Variants in MIA2 observed in about 807,000 individuals in gnomAD.
MIA2 encodes the protein MIA SH3 domain ER export factor 2, also known as melanoma inhibitory activity protein 2.
Under a neutral mutation model 167.8 loss-of-function variants are expected in MIA2, and 127 were observed. The ratio of observed to expected loss-of-function variants is 0.76; its 90% confidence interval spans 0.66 to 0.88. MIA2 has a LOEUF of 0.88. MIA2 is among the 40% of genes least tolerant of loss of function. The probability of loss-of-function intolerance (pLI) is 0.00; values close to 1 mark genes in which losing one functional copy is unlikely to be tolerated. For synonymous variants in MIA2, 552 were observed against 541.9 expected (o/e 1.02, Z -0.26); for missense variants, 1,690 against 1,624.7 (o/e 1.04, Z -0.69).
Position 39,291,911 on chromosome 14 carries a change from C to T in MIA2, c.2208+815C>T, listed in dbSNP as rs906916008. On this transcript the variant is annotated intron_variant, in intron 10 of 28. Coordinates refer to ENST00000640607, the MANE Select transcript of MIA2 (RefSeq NM_001329214.4). ...GACAAAGGATAGCAGAGGACACCTGCGTCTGCAGATACTAAAACAGAAAAC... is the reference window on the plus strand; with the variant it reads ...GACAAAGGATAGCAGAGGACACCTGTGTCTGCAGATACTAAAACAGAAAAC... 1.8e-4 allele frequency among the ~76,000 whole-genome samples: 28 copies of T among 152,174 alleles called. 1 individual carries two copies. Among genetic ancestry groups the T allele is most frequent in the Admixed American group, 1.3e-4 (2 of 15,274 alleles).
Position 39,304,391 on chromosome 14 carries a change from T to TG in MIA2, c.2878+11dup. On this transcript the variant is annotated intron_variant, in intron 17 of 28. Coordinates refer to ENST00000640607, the MANE Select transcript of MIA2 (RefSeq NM_001329214.4). The stretch of plus-strand genomic sequence containing the variant: ...AAGGAAGAGCTTACAGGTAGGTCAT[T>TG]GACATACATACTTTTAATGTTTTTC... 7.0e-7 allele frequency: 1 copy of TG among 1,419,660 alleles called. No homozygotes were observed. Among genetic ancestry groups the TG allele is most frequent in the Non-Finnish European group, 9.7e-7 (1 of 1,033,582 alleles). The allele number at this position is 1,419,660 out of a possible 1,614,324, so 87.9% of individuals were successfully genotyped here.
intron 25 of MIA2, among the ~76,000 whole-genome samples, chr14:39,339,215 C>T (rs1162204919): frequency 1.3e-5 from 2 of 152,178 alleles, no homozygotes; most frequent in African/African-American, 2.4e-5. Flanking sequence ...CGCTTGCCCT[C>T]CTCACCTCCT....
At chr14:39,258,608 G>A (rs1192336807) in intron 6 of MIA2, among the ~76,000 whole-genome samples, 1 of 152,108 alleles carries the variant, frequency 6.6e-6, no homozygotes, top group Non-Finnish European at 1.5e-5. Context: ...CTCATTCTCT[G>A]TTCAGTTTTG....
chr14:39,245,366 A>G (rs545083045), intron 3 of MIA2, among the ~76,000 whole-genome samples: 2 of 152,254 alleles, frequency 1.3e-5, no homozygotes, highest in African/African-American at 4.8e-5. Context: ...ATACACTAAT[A>G]TAGCTGATGA....
intron 14 of MIA2, among the ~76,000 whole-genome samples, chr14:39,300,660 C>T (rs62000666): frequency 0.016 from 1,692 of 109,076 alleles, 12 homozygotes; most frequent in Non-Finnish European, 0.022. Flanking sequence ...CACACCGGGA[C>T]CTGTTGTGGG....
intron 18 of MIA2, among the ~76,000 whole-genome samples, 197 bp downstream of exon 18, chr14:39,308,784 ATT>A (rs1244731896): frequency 6.6e-6 from 1 of 152,184 alleles, no homozygotes; most frequent in Non-Finnish European, 1.5e-5. Context: ...TGATGTTGGA[ATT>A]TCCAAGCTAG....
intron 6 of MIA2, chr14:39,253,387 A>T (rs184402931): frequency 1.8e-4 from 115 of 646,946 alleles, no homozygotes; most frequent in Non-Finnish European, 3.6e-5. Context: ...GTTGATGTTG[A>T]TCTTGAGCGG....
intron 21 of MIA2, 140 bp downstream of exon 21, chr14:39,315,858 A>G (rs373880541): frequency 2.1e-5 from 13 of 609,336 alleles, no homozygotes; most frequent in East Asian, 1.2e-4. Flanking sequence ...TAGTGAAATT[A>G]TGTTCCTTGT....
At chr14:39,267,862 C>T (rs568593534) in intron 6 of MIA2, among the ~76,000 whole-genome samples, 25 of 152,254 alleles carry the variant, frequency 1.6e-4, no homozygotes, top group African/African-American at 5.5e-4. Flanking sequence ...GTGGTTCCTT[C>T]GACTGTGAGA....
At chr14:39,317,543 A>G (rs2065703111) in intron 21 of MIA2, among the ~76,000 whole-genome samples, 1 of 152,154 alleles carries the variant, frequency 6.6e-6, no homozygotes, top group African/African-American at 2.4e-5. Context: ...CACACTGTCA[A>G]CTTTAGAGAT....
chr14:39,237,608 G>A (rs1261908780), intron 2 of MIA2, among the ~76,000 whole-genome samples: 2 of 152,218 alleles, frequency 1.3e-5, no homozygotes, highest in East Asian at 1.9e-4. Flanking sequence ...CTAAGAGAAT[G>A]CCTTGAATTT....
At chr14:39,260,149 T>C (rs776236530) in intron 6 of MIA2, among the ~76,000 whole-genome samples, 2 of 152,218 alleles carry the variant, frequency 1.3e-5, no homozygotes, top group Non-Finnish European at 2.9e-5. Context: ...CTATTGTGAA[T>C]AGTGCCGCAG....
chr14:39,251,606 CATT>C (rs1381246657), intron 4 of MIA2, among the ~76,000 whole-genome samples: 1 of 151,856 alleles, frequency 6.6e-6, no homozygotes, highest in Non-Finnish European at 1.5e-5. Flanking sequence ...TAGCATAAAA[CATT>C]ATTGTAGATC....
At chr14:39,255,284 G>C (rs976722363) in intron 6 of MIA2, among the ~76,000 whole-genome samples, 1 of 152,164 alleles carries the variant, frequency 6.6e-6, no homozygotes, top group Non-Finnish European at 1.5e-5. Flanking sequence ...AAAGTGGGCC[G>C]ATCAGTTGAG....
chr14:39,291,260 GA>G (rs2060704864), intron 10 of MIA2, 164 bp downstream of exon 10: 1 of 534,882 alleles, frequency 1.9e-6, no homozygotes, highest in Non-Finnish European at 3.1e-6. Context: ...GGGACAATAG[GA>G]GGTAGCATAA....
In MIA2 at chr14:39,326,998, C is replaced by T. The variant is rs748074575; in HGVS notation, c.3631C>T (p.Arg1211Cys). 8 of 1,534,902 alleles carry T rather than the reference C, an allele frequency of 5.2e-6. No individual in the cohort carries two copies. The East Asian group carries it at 1.5e-4, about 28-fold the overall frequency. ...GSLSPPWDQD[R>C]RMMFPPPGQS... ...TCTGTCACCTCCATGGGACCAGGAC[C>T]GTAGGATGATGTTTCCTCCGCCAGG... is the stretch of plus-strand genomic sequence containing the variant. The change falls in exon 25 of 29, where the codon CGT becomes TGT. Residue 1211 changes from arginine to cysteine, a missense_variant. By Grantham distance (180) the Arg-to-Cys change is radical. Transcript: ENST00000640607.
exon 24 of MIA2, chr14:39,387,340 T>C (rs1384667779): frequency 5.9e-6 from 1 of 169,952 alleles, no homozygotes; most frequent in Non-Finnish European, 1.2e-5. Context: ...GTTTAAGGAG[T>C]CCATTCCATG....
At chr14:39,290,192 G>T (rs751240844) in intron 9 of MIA2, among the ~76,000 whole-genome samples, 2 of 152,154 alleles carry the variant, frequency 1.3e-5, no homozygotes, top group Non-Finnish European at 2.9e-5. Flanking sequence ...TCTCTGCTTA[G>T]TTTCTTAGCC....
intron 6 of MIA2, among the ~76,000 whole-genome samples, chr14:39,259,796 T>C (rs1477961694): frequency 6.6e-6 from 1 of 151,574 alleles, no homozygotes; most frequent in African/African-American, 2.4e-5. Flanking sequence ...GCCGTGTTGG[T>C]TTGCTGCACC....
Sources: allele counts gnomAD v4.1 joint callset (sites outside exome capture counted in the v4.1 genomes callset), GRCh38; gene constraint gnomAD v4.1.1; transcripts MANE v1.5; gene names NCBI Gene and HGNC (gene_info 2026-07-23, HGNC 2026-07-21).